The following FYTTD1 variants were observed in gnomAD, a reference collection of about 807,000 sequenced individuals.
FYTTD1 encodes forty-two-three domain containing 1.
FYTTD1 carries 22 observed loss-of-function variants against 40.9 expected under a neutral mutation model. The observed-to-expected ratio is 0.54, with a 90% CI of 0.38 to 0.77. FYTTD1 has a LOEUF of 0.77. FYTTD1 is among the 30% of genes least tolerant of loss of function. The pLI is 0.00. For synonymous variants in FYTTD1, 140 were observed against 137.9 expected, an observed-to-expected ratio of 1.01 and a Z score of -0.10; for missense variants, 351 against 392.2, an observed-to-expected ratio of 0.90 and a Z score of 0.89.
At chr3:197,764,963 C>T (rs1729500241) in intron 2 of FYTTD1, among the ~76,000 whole-genome samples, 2 of 151,448 alleles carry the variant, frequency 1.3e-5, no homozygotes. Context: ...GATTCTCATG[C>T]CTCAGCCTCC....
In FYTTD1 at chr3:197,774,140, TC is replaced by T; in HGVS notation, c.595-6del. On this transcript the variant is annotated splice_polypyrimidine_tract_variant and splice_region_variant and intron_variant, in intron 5 of 8. Transcript: ENST00000241502. Reference sequence around the variant, plus strand: ...TCTGTGGTACCTACTGCTTTTTTTTTCCCTTCAGGTGCAGGCCCAGTTGAAT... The same window carrying T: ...TCTGTGGTACCTACTGCTTTTTTTTTCCTTCAGGTGCAGGCCCAGTTGAAT... The T allele has an allele frequency of 1.2e-6, 2 of 1,612,740 alleles. No homozygotes were observed. The highest frequency in any genetic ancestry group is 1.7e-6 in the Non-Finnish European group (2 of 1,178,826).
At chr3:197,773,802 C>T (rs536187266) in intron 5 of FYTTD1, among the ~76,000 whole-genome samples, 5 of 150,702 alleles carry the variant, frequency 3.3e-5, no homozygotes, top group Non-Finnish European at 7.4e-5. Flanking sequence ...CCCTCTGCTG[C>T]ACTCACGCAC....
chr3:197,770,938 T>C (rs1392247109), intron 4 of FYTTD1, among the ~76,000 whole-genome samples: 2 of 152,244 alleles, frequency 1.3e-5, no homozygotes, highest in Admixed American at 1.3e-4. Context: ...TGGCTCTTAC[T>C]AGAACACTGA....
At chr3:197,763,718 A>G (rs533319686) in intron 2 of FYTTD1, 48 of 212,530 alleles carry the variant, frequency 2.3e-4, no homozygotes, top group Non-Finnish European at 9.7e-6. Context: ...TGCTTTGGAA[A>G]GGAGCCAATA....
chr3:197,769,932 C>T (rs551750364), intron 3 of FYTTD1, among the ~76,000 whole-genome samples, 200 bp from the exon 4 acceptor site: 118 of 152,272 alleles, frequency 7.7e-4, no homozygotes, highest in African/African-American at 2.7e-3. Context: ...GAGTACCTCA[C>T]ATATTTTAAA....
chr3:197,759,283 A>G lies in FYTTD1; in HGVS notation c.235+2726A>G, dbSNP rs375786978. Among the ~76,000 whole-genome samples the G allele has an allele frequency of 1.0e-3, 149 of 142,856 alleles. 6 individuals carry two copies. The South Asian group carries it at 0.035, about 34-fold the overall frequency. 93.7% of individuals were successfully genotyped at this position (142,856 alleles called of 152,430 possible). ...TAGAGTTGTTCTTCAGTGGTAGAAC[A>G]TATAGAGTGTTCTTCAGTGGTAGAA... is the stretch of plus-strand genomic sequence containing the variant. On this transcript the variant is annotated intron_variant, in intron 2 of 8. Coordinates refer to ENST00000241502, the MANE Select transcript of FYTTD1 (RefSeq NM_032288.7).
intron 2 of FYTTD1, among the ~76,000 whole-genome samples, chr3:197,765,473 T>C: frequency 6.6e-6 from 1 of 152,186 alleles, no homozygotes; most frequent in East Asian, 1.9e-4. Context: ...GGAATTAATT[T>C]TAATGTACAG....
At chr3:197,750,746 C>A in intron 1 of FYTTD1, 7 of 985,514 alleles carry the variant, frequency 7.1e-6, no homozygotes, top group Non-Finnish European at 8.4e-6. Flanking sequence ...CCTCTCCAGG[C>A]CTCAGAGCTA....
rs906852382 is a variant in FYTTD1, at chr3:197,777,881, AT to A, written c.732-447del. On this transcript the variant is annotated intron_variant, in intron 7 of 8. Transcript: ENST00000241502. Reference sequence around the variant, plus strand: ...AGGCATGCACCACCACACCCAGCTAATTTTTTTTTTGTACAGATGGGGGTCT... The same window carrying A: ...AGGCATGCACCACCACACCCAGCTAATTTTTTTTTGTACAGATGGGGGTCT... Among the ~76,000 whole-genome samples the A allele has an allele frequency of 3.7e-3, 554 of 149,704 alleles. 5 individuals carry two copies. Among genetic ancestry groups the A allele is most frequent in the Non-Finnish European group, 3.8e-3 (252 of 67,122 alleles).
At chr3:197,780,205 C>G (rs530405132) in intron 8 of FYTTD1, among the ~76,000 whole-genome samples, 4 of 152,106 alleles carry the variant, frequency 2.6e-5, no homozygotes, top group Non-Finnish European at 5.9e-5. Context: ...GATACAGGCA[C>G]ACACACCATA....
intron 3 of FYTTD1, among the ~76,000 whole-genome samples, chr3:197,769,163 C>T (rs919530908): frequency 2.6e-5 from 4 of 152,120 alleles, no homozygotes; most frequent in Non-Finnish European, 5.9e-5. Flanking sequence ...TCTCGGCTCA[C>T]TGCAACCTCC....
intron 4 of FYTTD1, among the ~76,000 whole-genome samples, chr3:197,771,805 A>T (rs1360753729): frequency 6.7e-6 from 1 of 148,858 alleles, no homozygotes; most frequent in African/African-American, 2.5e-5. Flanking sequence ...AAATGCAAAA[A>T]TTAGCCCGAT....
intron 1 of FYTTD1, chr3:197,750,924 A>G (rs1729012239): frequency 3.8e-5 from 33 of 864,746 alleles, no homozygotes; most frequent in South Asian, 3.7e-4. Flanking sequence ...TCCAGCCCTG[A>G]CACTACCGAG....
chr3:197,774,468 T>C (rs1729811914), intron 6 of FYTTD1, among the ~76,000 whole-genome samples: 1 of 152,192 alleles, frequency 6.6e-6, no homozygotes, highest in African/African-American at 2.4e-5. Context: ...CACACCAGCC[T>C]GAGCAGCATA....
At chr3:197,774,293 G>T in intron 6 of FYTTD1, 83 bp downstream of exon 6, 1 of 1,158,450 alleles carries the variant, frequency 8.6e-7, no homozygotes. Flanking sequence ...CCTCAGTCCA[G>T]AAGAAATTAA....
In FYTTD1 at chr3:197,768,496, C is replaced by T. The variant is rs201112902; in HGVS notation, c.293C>T (p.Pro98Leu). 2 of 1,612,798 alleles carry T rather than the reference C, an allele frequency of 1.2e-6. No individual in the cohort carries two copies. The highest frequency in any genetic ancestry group is 1.3e-5 in the African/African-American group (1 of 74,992). The change falls in exon 3 of 9, where the codon CCT becomes CTT. Residue 98 changes from proline (P) to leucine (L), a missense_variant. Physicochemically the swap from Pro to Leu is moderately conservative, Grantham distance 98. Coordinates refer to ENST00000241502, the MANE Select transcript of FYTTD1 (RefSeq NM_032288.7). ...AGAGTAATGCCTGGAAAGAGACGTC[C>T]TAATGGAGTTATCACTGGCCTTGCA... ...RGRVMPGKRR[P>L]NGVITGLAAR... is the part of the protein sequence containing the mutation.
chr3:197,761,141 A>G (rs1560494436), intron 2 of FYTTD1, among the ~76,000 whole-genome samples: 1 of 151,322 alleles, frequency 6.6e-6, no homozygotes, highest in Non-Finnish European at 1.5e-5. Context: ...TAGAATGTAT[A>G]GAGTTGTTCT....
At chr3:197,777,107 C>T (rs1729898764) in intron 7 of FYTTD1, 106 bp downstream of exon 7, 1 of 691,560 alleles carries the variant, frequency 1.4e-6, no homozygotes, top group East Asian at 2.7e-5. Context: ...TTGGGATGAA[C>T]CAGGAAGACA....
At position 197,783,106 on chromosome 3, in the gene FYTTD1, A is replaced by C. The variant is rs1580474635; in HGVS notation, c.*1197A>C. On this transcript the variant is annotated 3_prime_UTR_variant, in exon 9 of 9. Transcript: ENST00000241502. ...TGGGGAGAAAAGGCCCTCCCCACCG[A>C]CCCGCCACCTGCCACCTCTGACGGA... is the stretch of plus-strand genomic sequence containing the variant. The C allele has an allele frequency of 6.6e-6, 1 of 152,532 alleles. No individual in the cohort carries two copies. Among genetic ancestry groups the C allele is most frequent in the Admixed American group, 6.6e-5 (1 of 15,248 alleles). 9.4% of individuals were successfully genotyped at this position (152,532 alleles called of 1,614,324 possible).
Sources: allele counts gnomAD v4.1 joint callset (sites outside exome capture counted in the v4.1 genomes callset), GRCh38; gene constraint gnomAD v4.1.1; transcripts MANE v1.5; gene names NCBI Gene and HGNC (gene_info 2026-07-23, HGNC 2026-07-21).